SCGB1C1: variants seen among roughly 807,000 people sequenced by gnomAD.
The protein encoded by SCGB1C1 is secretoglobin family 1C member 1.
Under a neutral mutation model 8.9 loss-of-function variants are expected in SCGB1C1, and 2 were observed. The ratio of observed to expected loss-of-function variants is 0.23; its 90% confidence interval spans 0.09 to 0.71. The LOEUF (loss-of-function observed/expected upper bound fraction) is 0.71. Among genes scored for constraint, SCGB1C1 ranks in the 30% least tolerant of loss-of-function variants. The probability of loss-of-function intolerance (pLI) is 0.78; values close to 1 mark genes in which losing one functional copy is unlikely to be tolerated. For missense variants in SCGB1C1, 25 were observed against 112.7 expected, an observed-to-expected ratio of 0.22 and a Z score of 3.52; for synonymous variants, 6 against 45.8, an observed-to-expected ratio of 0.13 and a Z score of 3.51.
At chr11:193,636 C>T in intron 1 of SCGB1C1, 76 bp from the exon 2 acceptor site, 1 of 1,585,624 alleles carries the variant, frequency 6.3e-7, no homozygotes, top group Non-Finnish European at 8.6e-7. Context: ...AGGTTGGAGC[C>T]CTGGGGCAGG....
chr11:191,683 A>G (rs1258648766), upstream of SCGB1C1, among the ~76,000 whole-genome samples: 4 of 152,292 alleles, frequency 2.6e-5, no homozygotes, highest in South Asian at 2.1e-4. Flanking sequence ...CAGCTGGTCT[A>G]TATCTGTTAG....
At chr11:191,929 A>C, upstream of SCGB1C1, among the ~76,000 whole-genome samples, 1 of 152,098 alleles carries the variant, frequency 6.6e-6, no homozygotes, top group African/African-American at 2.4e-5. Context: ...ACCCTACTGT[A>C]TCCCTGACTC....
chr11:191,014 T>A (rs1479280992), upstream of SCGB1C1, among the ~76,000 whole-genome samples: 1 of 151,214 alleles, frequency 6.6e-6, no homozygotes, highest in African/African-American at 2.4e-5. Flanking sequence ...GCCCATCCAC[T>A]CCAGCACTAG....
chr11:188,495 A>G (rs1243209138), upstream of SCGB1C1, among the ~76,000 whole-genome samples: 1 of 152,284 alleles, frequency 6.6e-6, no homozygotes, highest in African/African-American at 2.4e-5. Flanking sequence ...TTATGTACAA[A>G]ACTAAAAACA....
At chr11:188,492 C>T (rs1257955575), upstream of SCGB1C1, among the ~76,000 whole-genome samples, 2 of 152,176 alleles carry the variant, frequency 1.3e-5, no homozygotes, top group Admixed American at 6.5e-5. Context: ...AAATTATGTA[C>T]AAAACTAAAA....
chr11:191,910 T>C (rs7943968), upstream of SCGB1C1, among the ~76,000 whole-genome samples: 14,662 of 123,510 alleles, frequency 0.12, 28 homozygotes, highest in East Asian at 0.37. Flanking sequence ...CCCCTAACCC[T>C]TACCGGTGAC....
At chr11:189,596 A>T (rs188681976), upstream of SCGB1C1, among the ~76,000 whole-genome samples, 1 of 148,590 alleles carries the variant, frequency 6.7e-6, no homozygotes, top group African/African-American at 2.6e-5. Flanking sequence ...CGCCACCGGG[A>T]CGAGAGCGCG....
At chr11:191,717 G>T (rs1286341546), upstream of SCGB1C1, among the ~76,000 whole-genome samples, 3 of 152,274 alleles carry the variant, frequency 2.0e-5, no homozygotes, top group Non-Finnish European at 4.4e-5. Flanking sequence ...TTTTAAAAAT[G>T]ACAAATTGCT....
At chr11:190,332 T>C (rs1382915715), upstream of SCGB1C1, among the ~76,000 whole-genome samples, 12 of 140,346 alleles carry the variant, frequency 8.6e-5, no homozygotes, top group African/African-American at 3.0e-4. Flanking sequence ...CGCCAGTTAT[T>C]AAGCCCCATC....
chr11:188,282 C>A (rs1425933349), upstream of SCGB1C1, among the ~76,000 whole-genome samples: 1 of 151,932 alleles, frequency 6.6e-6, no homozygotes, highest in Non-Finnish European at 1.5e-5. Flanking sequence ...CAATTAAGAT[C>A]TGCAAACCCA....
upstream of SCGB1C1, among the ~76,000 whole-genome samples, chr11:189,639 T>TC: frequency 6.6e-6 from 1 of 152,220 alleles, no homozygotes; most frequent in Non-Finnish European, 1.5e-5. Context: ...GAGACGCACG[T>TC]CCTCGGGGGC....
chr11:188,518 A>C (rs1854716245), upstream of SCGB1C1, among the ~76,000 whole-genome samples: 1 of 152,300 alleles, frequency 6.6e-6, no homozygotes, highest in Non-Finnish European at 1.5e-5. Context: ...GGAGAAATTA[A>C]AAGTCAAATA....
At chr11:193,049 A>C, upstream of SCGB1C1, 5 of 1,144,760 alleles carry the variant, frequency 4.4e-6, no homozygotes, top group Non-Finnish European at 6.4e-6. Context: ...CTGTCCGGTG[A>C]GGCATAAAAT....
intron 1 of SCGB1C1, 65 bp from the exon 2 acceptor site, chr11:193,647 T>G (rs1590063523): frequency 6.3e-7 from 1 of 1,583,822 alleles, no homozygotes; most frequent in Non-Finnish European, 8.6e-7. Context: ...CTGGGGCAGG[T>G]CCAGGGCTGT....
At chr11:191,827 CTAACCCTAACCCTAACCCTAACCCT>C (rs1854813455), upstream of SCGB1C1, among the ~76,000 whole-genome samples, 9 of 103,408 alleles carry the variant, frequency 8.7e-5, no homozygotes, top group African/African-American at 3.4e-4. Flanking sequence ...CCCCTAACCC[CTAACCCTAACCCTAACCCTAACCCT>C]AACCCCTAAC....
chr11:190,288 G>A (rs1276844866), upstream of SCGB1C1, among the ~76,000 whole-genome samples: 10 of 148,032 alleles, frequency 6.8e-5, no homozygotes, highest in African/African-American at 2.0e-4. Flanking sequence ...TCTTGGTCCC[G>A]GTGTGACGGC....
chr11:191,038 A>G (rs1253138346), upstream of SCGB1C1, among the ~76,000 whole-genome samples: 1 of 148,272 alleles, frequency 6.7e-6, no homozygotes, highest in Non-Finnish European at 1.5e-5. Flanking sequence ...TGCTACTAAT[A>G]TGTGAATTTT....
intron 1 of SCGB1C1, among the ~76,000 whole-genome samples, 182 bp from the exon 2 acceptor site, chr11:193,530 T>C (rs1854853958): frequency 1.3e-5 from 2 of 152,192 alleles, no homozygotes; most frequent in Non-Finnish European, 2.9e-5. Flanking sequence ...AAGGGGGATG[T>C]GGAGGGGTCT....
At chr11:191,816 A>T (rs1309349813), upstream of SCGB1C1, among the ~76,000 whole-genome samples, 1 of 74,874 alleles carries the variant, frequency 1.3e-5, no homozygotes, top group East Asian at 4.1e-4. Context: ...CCTAACCCTA[A>T]CCCCTAACCC....
Sources: allele counts gnomAD v4.1 joint callset (sites outside exome capture counted in the v4.1 genomes callset), GRCh38; gene constraint gnomAD v4.1.1; transcripts MANE v1.5; gene names NCBI Gene and HGNC (gene_info 2026-07-23, HGNC 2026-07-21).